HHAT: variants seen among roughly 807,000 people sequenced by gnomAD.
HHAT encodes the protein hedgehog acyltransferase.
HHAT carries 47 observed loss-of-function variants against 70.8 expected under a neutral mutation model. That is an observed-to-expected ratio of 0.66 (90% CI 0.53 to 0.85). The LOEUF (loss-of-function observed/expected upper bound fraction) is 0.85, where lower values mean the gene tolerates loss of function less well. HHAT is among the 40% of genes least tolerant of loss of function. The pLI, the probability that HHAT is intolerant of heterozygous loss-of-function variation, is 0.00. For synonymous variants in HHAT, 228 were observed against 247.6 expected (o/e 0.92, Z 0.74); for missense variants, 609 against 604.8 (o/e 1.01, Z -0.07).
chr1:210,593,172 T>C (rs930307505), intron 10 of HHAT, among the ~76,000 whole-genome samples: 1 of 152,204 alleles, frequency 6.6e-6, no homozygotes, highest in African/African-American at 2.4e-5. Context: ...TTTTGTATTT[T>C]CATTGTTTCA....
chr1:210,653,386 A>G lies in HHAT; in HGVS notation c.1391-20902A>G, dbSNP rs192679120. 2.7e-3 allele frequency among the ~76,000 whole-genome samples: 409 copies of G among 152,118 alleles called. 4 individuals carry two copies. Among genetic ancestry groups the G allele is most frequent in the African/African-American group, 9.3e-3 (388 of 41,538 alleles). Reference sequence around the variant, plus strand: ...ATCATACAAAAGTTATCTGGATGTGATGGTGCATCCCTGTGCTCCCAGCTA... The same window carrying G: ...ATCATACAAAAGTTATCTGGATGTGGTGGTGCATCCCTGTGCTCCCAGCTA... On this transcript the variant is annotated intron_variant, in intron 11 of 11. Coordinates refer to ENST00000261458, the MANE Select transcript of HHAT (RefSeq NM_018194.6).
chr1:210,440,239 TTA>T (rs1445298500), intron 7 of HHAT, among the ~76,000 whole-genome samples: 9 of 151,644 alleles, frequency 5.9e-5, no homozygotes, highest in Admixed American at 3.3e-4. Context: ...TTGTAGGTGT[TTA>T]TTAGGGTGTT....
chr1:210,397,681 G>T (rs967408191), intron 4 of HHAT, among the ~76,000 whole-genome samples: 11 of 152,144 alleles, frequency 7.2e-5, no homozygotes, highest in Non-Finnish European at 4.4e-5. Flanking sequence ...CACATTTGGA[G>T]TAGAGATGGA....
chr1:210,557,659 A>G (rs2095584892), intron 9 of HHAT, among the ~76,000 whole-genome samples: 1 of 152,210 alleles, frequency 6.6e-6, no homozygotes, highest in African/African-American at 2.4e-5. Flanking sequence ...AGGAAGAAGC[A>G]AAAGCGGAAA....
At chr1:210,638,722 CAAAAAAAAAAA>C (rs71146238) in intron 11 of HHAT, among the ~76,000 whole-genome samples, 1 of 95,264 alleles carries the variant, frequency 1.0e-5, no homozygotes, top group Non-Finnish European at 2.0e-5. Flanking sequence ...CCTGTATTTA[CAAAAAAAAAAA>C]AAAAAAAAAA....
Position 210,675,627 on chromosome 1 carries a change from A to G in HHAT, c.*1248A>G, listed in dbSNP as rs1332589440. 1 of 152,232 alleles carries G rather than the reference A, an allele frequency of 6.6e-6. No individual in the cohort carries two copies. Among genetic ancestry groups the G allele is most frequent in the Non-Finnish European group, 1.5e-5 (1 of 68,046 alleles). The allele number at this position is 152,232 out of a possible 1,614,324, so 9.4% of individuals were successfully genotyped here. On this transcript the variant is annotated 3_prime_UTR_variant, in exon 12 of 12. Coordinates refer to ENST00000261458, the MANE Select transcript of HHAT (RefSeq NM_018194.6). ...CCTAGTGCTGCCTCCTGTTTATTAC[A>G]TAGCATGGCCCTTATGTCTTGAGTT...
intron 10 of HHAT, among the ~76,000 whole-genome samples, chr1:210,619,299 G>T (rs1303513639): frequency 6.6e-6 from 1 of 152,078 alleles, no homozygotes; most frequent in Admixed American, 6.5e-5. Context: ...CTTTCTTCTG[G>T]ATTTCAGGAG....
intron 9 of HHAT, among the ~76,000 whole-genome samples, chr1:210,556,626 G>A (rs1445264781): frequency 6.6e-6 from 1 of 152,204 alleles, no homozygotes. Flanking sequence ...CAAGAGGGGA[G>A]CTGATATGAC....
At chr1:210,616,236 T>C (rs6689810) in intron 10 of HHAT, among the ~76,000 whole-genome samples, 127,438 of 152,180 alleles carry the variant, frequency 0.84, 53,743 homozygotes, top group East Asian at 0.94. Context: ...TATGACATAT[T>C]GTTATTAACT....
At chr1:210,665,384 C>T (rs2148969884) in intron 11 of HHAT, among the ~76,000 whole-genome samples, 1 of 152,274 alleles carries the variant, frequency 6.6e-6, no homozygotes, top group African/African-American at 2.4e-5. Context: ...CTCTTTCCTT[C>T]CTTAGAATGG....
chr1:210,627,937 G>A (rs919282818), intron 11 of HHAT, among the ~76,000 whole-genome samples: 4 of 152,180 alleles, frequency 2.6e-5, no homozygotes, highest in Non-Finnish European at 5.9e-5. Flanking sequence ...AATGCAGGTT[G>A]CTTTTTACAA....
At chr1:210,373,844 G>T (rs1317789895) in intron 3 of HHAT, among the ~76,000 whole-genome samples, 1 of 152,172 alleles carries the variant, frequency 6.6e-6, no homozygotes, top group Non-Finnish European at 1.5e-5. Flanking sequence ...CAGGCAACCA[G>T]AAATTCTCCC....
chr1:210,616,417 T>C (rs1667749809), intron 10 of HHAT, among the ~76,000 whole-genome samples: 1 of 152,190 alleles, frequency 6.6e-6, no homozygotes, highest in African/African-American at 2.4e-5. Flanking sequence ...TAGATGTCAT[T>C]TTCTGGGGAG....
intron 9 of HHAT, among the ~76,000 whole-genome samples, chr1:210,573,467 C>T (rs1456249709): frequency 6.6e-6 from 1 of 152,224 alleles, no homozygotes; most frequent in Non-Finnish European, 1.5e-5. Context: ...TCGTTGGCCT[C>T]CTGGACCCCA....
chr1:210,354,430 C>G (rs1571828418), intron 2 of HHAT, among the ~76,000 whole-genome samples: 1 of 152,088 alleles, frequency 6.6e-6, no homozygotes, highest in Non-Finnish European at 1.5e-5. Flanking sequence ...GTCTCAAACT[C>G]CTTGGCCACC....
rs139053724 is a variant in HHAT, at chr1:210,516,823, C to T, written c.1043+3635C>T. ...AGTCATGTCGACTTCTCTGGAATGA[C>T]GTAAATTTCCACAAAGCCAAGAGCC... On this transcript the variant is annotated intron_variant, in intron 9 of 11. Coordinates refer to ENST00000261458, the MANE Select transcript of HHAT (RefSeq NM_018194.6). Among the ~76,000 whole-genome samples the T allele has an allele frequency of 3.2e-4, 49 of 152,240 alleles. No homozygotes were observed. In the East Asian group the frequency reaches 3.5e-3, roughly 11 times the overall value.
chr1:210,370,738 C>T (rs1029657093), intron 3 of HHAT, among the ~76,000 whole-genome samples: 15 of 151,542 alleles, frequency 9.9e-5, no homozygotes, highest in African/African-American at 3.4e-4. Flanking sequence ...CCTCAGCCTC[C>T]CGAGTAGCTG....
intron 10 of HHAT, among the ~76,000 whole-genome samples, chr1:210,604,622 G>A (rs187769478): frequency 6.6e-6 from 1 of 152,236 alleles, no homozygotes; most frequent in African/African-American, 2.4e-5. Context: ...TACAGTAAAT[G>A]TATACTGTTG....
At chr1:210,572,095 G>A (rs1023426346) in intron 9 of HHAT, among the ~76,000 whole-genome samples, 1 of 152,154 alleles carries the variant, frequency 6.6e-6, no homozygotes, top group African/African-American at 2.4e-5. Context: ...GGCTGTGTTG[G>A]CTACTGCAGA....
Sources: gnomAD v4.1 joint callset for allele counts (sites outside exome capture counted in the v4.1 genomes callset) on GRCh38, gnomAD v4.1.1 for gene constraint, MANE v1.5 for transcripts, NCBI Gene and HGNC (gene_info 2026-07-23, HGNC 2026-07-21) for gene names.